Variants in ATG9B observed in about 807,000 individuals in gnomAD.
ATG9B encodes autophagy-related protein 9B.
A neutral mutation model predicts 92.9 loss-of-function variants in ATG9B; 92 were observed. That is an observed-to-expected ratio of 0.99 (90% CI 0.84 to 1.18). The LOEUF (loss-of-function observed/expected upper bound fraction) is 1.18, where lower values mean the gene tolerates loss of function less well. ATG9B is among the 50% of genes most tolerant of loss of function. The pLI, the probability that ATG9B is intolerant of heterozygous loss-of-function variation, is 0.00. For missense variants in ATG9B, 1,344 were observed against 1,235.0 expected, an observed-to-expected ratio of 1.09 and a Z score of -1.32; for synonymous variants, 599 against 551.4, an observed-to-expected ratio of 1.09 and a Z score of -1.21.
In ATG9B at chr7:151,023,906, T is replaced by G; in HGVS notation, c.518A>C (p.Gln173Pro). 6.2e-7 allele frequency: 1 copy of G among 1,607,308 alleles called. No homozygotes were observed. The highest frequency in any genetic ancestry group is 8.5e-7 in the Non-Finnish European group (1 of 1,177,282). ...QDSPIHGEEQ[Q>P]PLLHVPEGLR... ...CCCTTCAGGGACATGAAGCAGGGGT[T>G]GCTGCTCCTCCCCGTGGATGGGTGA... is the stretch of plus-strand genomic sequence containing the variant. Residue 173 changes from glutamine (Q) to proline (P), a missense_variant, in exon 1 of 14, where the codon CAA becomes CCA. Gln to Pro is a moderately conservative substitution (Grantham distance 76). Transcript: ENST00000639579.
rs1171197604 is a variant in ATG9B at position 151,016,406 on chromosome 7, C to G, written c.2520+25G>C. ...GTTCACCTGCCTTCTCTCCACATTTCTCCTTTGGGCACCCCTCTACTCACC... is the reference window on the plus strand; with the variant it reads ...GTTCACCTGCCTTCTCTCCACATTTGTCCTTTGGGCACCCCTCTACTCACC... On this transcript the variant is annotated intron_variant, in intron 11 of 13. Coordinates refer to ENST00000639579, the MANE Select transcript of ATG9B (RefSeq NM_001317056.2). The G allele has an allele frequency of 3.2e-6, 5 of 1,547,692 alleles. No homozygotes were observed. In the East Asian group the frequency reaches 7.3e-5, roughly 23 times the overall value.
downstream of ATG9B, chr7:151,012,455 ATGACATTGAGAGCAAAGGTGAG>A (rs1563234112): frequency 6.2e-7 from 1 of 1,612,104 alleles, no homozygotes; most frequent in Non-Finnish European, 8.5e-7. Flanking sequence ...GAGCGGCTGC[ATGACATTGAGAGCAAAGGTGAG>A]GCTGGGGACT....
rs73472577 is a variant in ATG9B, at chr7:151,024,401, C to T, written c.23G>A (p.Gly8Glu). 2.2e-3 allele frequency: 3,036 copies of T among 1,374,416 alleles called. 59 individuals are homozygous for T. The African/African-American group carries it at 0.04, about 18-fold the overall frequency. The allele number at this position is 1,374,416 out of a possible 1,614,324, so 85.1% of individuals were successfully genotyped here. MVSRMGWGGRRRRLGRWG... is the reference protein window; with the variant it reads MVSRMGWEGRRRRLGRWG... ...CCGCCCCAGCCGCCTTCTTCTCCCC[C>T]CCCAGCCCATTCGGCTCACCATCAG... Residue 8 changes from glycine (G) to glutamate (E), a missense_variant, in exon 1 of 14, where the codon GGG (glycine) becomes GAG (glutamate). By Grantham distance (98) the Gly-to-Glu change is moderately conservative. Coordinates refer to ENST00000639579, the MANE Select transcript of ATG9B (RefSeq NM_001317056.2).
chr7:151,017,790 G>T, intron 8 of ATG9B, 81 bp downstream of exon 8: 1 of 1,434,776 alleles, frequency 7.0e-7, no homozygotes. Context: ...ATGGAGCCAG[G>T]GCTGGAACTC....
intron 4 of ATG9B, among the ~76,000 whole-genome samples, 186 bp from the exon 5 acceptor site, chr7:151,021,515 T>C (rs1372872653): frequency 6.6e-6 from 1 of 152,180 alleles, no homozygotes; most frequent in Non-Finnish European, 1.5e-5. Context: ...AAAGTCAAAC[T>C]TTTTCCAAAT....
intron 4 of ATG9B, among the ~76,000 whole-genome samples, chr7:151,022,517 T>C (rs910487913): frequency 6.6e-6 from 1 of 151,908 alleles, no homozygotes; most frequent in Non-Finnish European, 1.5e-5. Context: ...CAACCAATTT[T>C]AAGTGTATTA....
In ATG9B at chr7:151,023,415, C is replaced by T. The variant is rs114105923; in HGVS notation, c.659+30G>A. 1,234 of 1,611,494 alleles carry T rather than the reference C, an allele frequency of 7.7e-4. 5 individuals are homozygous for T. The African/African-American group carries it at 0.014, about 18-fold the overall frequency. On this transcript the variant is annotated intron_variant, in intron 3 of 13. Transcript: ENST00000639579. Reference sequence around the variant, plus strand: ...GAAGGAAGCCATGGGCCCAGGGGACCGAGTTCCGGGCCCGGGCTAAGCGTC... The same window carrying T: ...GAAGGAAGCCATGGGCCCAGGGGACTGAGTTCCGGGCCCGGGCTAAGCGTC...
chr7:151,014,373 C>T, downstream of ATG9B: 1 of 573,034 alleles, frequency 1.7e-6, no homozygotes, highest in East Asian at 3.0e-5. Context: ...GGCCTGGGTC[C>T]GCCTTAATCT....
rs1057111478 is a variant in ATG9B at position 151,016,438 on chromosome 7, A to T, written c.2513T>A (p.Leu838Gln). 2.6e-6 allele frequency: 4 copies of T among 1,551,376 alleles called. No individual in the cohort carries two copies. In the African/African-American group the frequency reaches 5.5e-5, roughly 21 times the overall value. The change falls in exon 11 of 14, where the codon CTG becomes CAG. Residue 838 changes from leucine to glutamine, a missense_variant. Physicochemically the swap from Leu to Gln is moderately radical, Grantham distance 113. Coordinates refer to ENST00000639579, the MANE Select transcript of ATG9B (RefSeq NM_001317056.2). ...GGGCACCCCTCTACTCACCTGGTGC[A>T]GGTAGATGACATGGAGACTCATCTC... ...SAEMSLHVIYLHQLHQQQQQQ... is the reference protein window; with the variant it reads ...SAEMSLHVIYQHQLHQQQQQQ...
Position 151,017,099 on chromosome 7 carries a change from C to T in ATG9B, c.2226G>A (p.Trp742Ter), listed in dbSNP as rs1338506852. ...AGGGGCCGCGAGCCGAGGTGGCACC[C>T]CAGGCAGCTGCATCTTGTTGTACTC... ...WGRVQQDAAA[W>*]GATSARGPST... The change falls in exon 9 of 14, where the codon TGG becomes TGA. Residue 742 changes from tryptophan (W) to a stop codon, truncating the protein, a stop_gained. Transcript: ENST00000639579. LOFTEE classifies it high-confidence loss of function. 1.9e-6 allele frequency: 3 copies of T among 1,611,556 alleles called. No individual in the cohort carries two copies. The highest frequency in any genetic ancestry group is 2.5e-6 in the Non-Finnish European group (3 of 1,179,362).
intron 3 of ATG9B, 119 bp from the exon 4 acceptor site, chr7:151,023,325 C>T (rs1030159282): frequency 2.4e-5 from 38 of 1,597,284 alleles, no homozygotes; most frequent in Non-Finnish European, 3.1e-5. Flanking sequence ...CCCTGCTGAG[C>T]CCTTGGGCTG....
Position 151,017,852 on chromosome 7 carries a change from G to A in ATG9B, c.2052+19C>T, listed in dbSNP as rs779268415. 1.3e-5 allele frequency: 20 copies of A among 1,580,270 alleles called. No homozygotes were observed. In the Admixed American group the frequency reaches 3.4e-4, roughly 27 times the overall value. ...CTCCCACCCAGCCCAAACCCCCAGG[G>A]CCAGGGAACGGCTCTGACCTGAGGG... On this transcript the variant is annotated intron_variant, in intron 8 of 13. Coordinates refer to ENST00000639579, the MANE Select transcript of ATG9B (RefSeq NM_001317056.2).
Position 151,016,774 on chromosome 7 carries a change from C to T in ATG9B, c.2337G>A (p.Pro779=), listed in dbSNP as rs372345570. The T allele has an allele frequency of 1.2e-5, 20 of 1,612,704 alleles. No individual in the cohort carries two copies. In the South Asian group the frequency reaches 1.5e-4, roughly 12 times the overall value. The change falls in exon 10 of 14, where the codon CCG becomes CCA. Residue 779 remains proline (P), a synonymous_variant. Coordinates refer to ENST00000639579, the MANE Select transcript of ATG9B (RefSeq NM_001317056.2). ...AGGGGGCTGTCGGGCTCAGATCTCT[C>T]GGAGGCAGGAGAGGGTGCACGAAGA... ...ANLFVHPLLP[P]RDLSPTAPCP...
chr7:151,023,038 C>A lies in ATG9B; in HGVS notation c.821+7G>T. ...CACCCCCAGGGCCCCACCAGGTTGT[C>A]ACTAACCTCTCAGCACACTGGGCTG... On this transcript the variant is annotated splice_region_variant and intron_variant, in intron 4 of 13. Coordinates refer to ENST00000639579, the MANE Select transcript of ATG9B (RefSeq NM_001317056.2). 6.2e-7 allele frequency: 1 copy of A among 1,614,118 alleles called. No individual in the cohort carries two copies. Among genetic ancestry groups the A allele is most frequent in the South Asian group, 1.1e-5 (1 of 91,070 alleles).
downstream of ATG9B, chr7:151,014,396 C>G: frequency 1.9e-6 from 1 of 517,042 alleles, no homozygotes; most frequent in African/African-American, 1.9e-5. Flanking sequence ...AAGGCCCCTC[C>G]CAGCAGCGGT....
At chr7:151,020,554 G>A (rs1322340339) in intron 5 of ATG9B, among the ~76,000 whole-genome samples, 1 of 152,220 alleles carries the variant, frequency 6.6e-6, no homozygotes, top group Non-Finnish European at 1.5e-5. Context: ...GACCTCCCAG[G>A]GGAGCAAGGG....
downstream of ATG9B, chr7:151,014,326 A>G: frequency 1.2e-6 from 1 of 823,998 alleles, no homozygotes; most frequent in East Asian, 2.7e-5. Context: ...AGGAAGGAGC[A>G]AAACGCCTCT....
At position 151,021,226 on chromosome 7, in the gene ATG9B, T is replaced by C; in HGVS notation, c.925A>G (p.Ile309Val). The C allele has an allele frequency of 6.2e-7, 1 of 1,613,570 alleles. No homozygotes were observed. The highest frequency in any genetic ancestry group is 1.1e-5 in the South Asian group (1 of 91,078). The change falls in exon 5 of 14, where the codon ATC becomes GTC. Residue 309 changes from isoleucine to valine, a missense_variant. Physicochemically the swap from Ile to Val is conservative, Grantham distance 29. Transcript: ENST00000639579. Reference protein sequence around the residue: ...SVCNLFSYWDIQVFYREALHI... With the variant: ...SVCNLFSYWDVQVFYREALHI... ...AGGGCCTCCCTGTAAAACACCTGGA[T>C]GTCCCAGTAGCTGAAGAGGTTGCAG... is the stretch of plus-strand genomic sequence containing the variant.
downstream of ATG9B, chr7:151,013,723 G>C: frequency 6.3e-7 from 1 of 1,595,702 alleles, no homozygotes; most frequent in Admixed American, 1.7e-5. Flanking sequence ...CCGCCCCGCA[G>C]ACCTACGTGC....
Sources: allele counts gnomAD v4.1 joint callset (sites outside exome capture counted in the v4.1 genomes callset), GRCh38; gene constraint gnomAD v4.1.1; transcripts MANE v1.5; gene names NCBI Gene and HGNC (gene_info 2026-07-23, HGNC 2026-07-21).